WDHD1: variants seen among roughly 807,000 people sequenced by gnomAD.
WDHD1 encodes the protein WD repeat and HMG-box DNA binding protein 1.
Under a neutral mutation model 135.4 loss-of-function variants are expected in WDHD1, and 111 were observed. The ratio of observed to expected loss-of-function variants is 0.82; its 90% CI spans 0.70 to 0.96. The LOEUF (loss-of-function observed/expected upper bound fraction) is 0.96, where lower values mean the gene tolerates loss of function less well. Among genes scored for constraint, WDHD1 ranks in the 40% least tolerant of loss-of-function variants. WDHD1 has a pLI of 0.00. For synonymous variants in WDHD1, 434 were observed against 439.0 expected (o/e 0.99, Z 0.14); for missense variants, 1,351 against 1,336.3 (o/e 1.01, Z -0.17).
chr14:54,973,075 C>T (rs764671649), intron 16 of WDHD1, among the ~76,000 whole-genome samples: 20 of 151,966 alleles, frequency 1.3e-4, no homozygotes, highest in East Asian at 5.8e-4. Context: ...TTATGTACTC[C>T]GATTTATTTA....
At chr14:54,961,439 T>C (rs1275944655) in intron 21 of WDHD1, among the ~76,000 whole-genome samples, 1 of 152,154 alleles carries the variant, frequency 6.6e-6, no homozygotes, top group African/African-American at 2.4e-5. Context: ...TTCTCTTTGC[T>C]CTCTGAGCTT....
chr14:54,967,245 C>A, intron 17 of WDHD1, 35 bp downstream of exon 17: 1 of 1,518,966 alleles, frequency 6.6e-7, no homozygotes, highest in South Asian at 1.1e-5. Flanking sequence ...GCTGTATTAT[C>A]AAATTCAAAG....
chr14:54,998,829 AGATCAT>A (rs2041931249), intron 10 of WDHD1, among the ~76,000 whole-genome samples: 1 of 152,182 alleles, frequency 6.6e-6, no homozygotes, highest in Non-Finnish European at 1.5e-5. Flanking sequence ...TAGGTTATTA[AGATCAT>A]GTAAATGCTA....
chr14:54,966,340 AAAC>A (rs143022988), intron 18 of WDHD1, 132 bp downstream of exon 18: 285 of 1,032,710 alleles, frequency 2.8e-4, no homozygotes, highest in Middle Eastern at 2.1e-3. Flanking sequence ...GTCGCACAAA[AAAC>A]AACAACAACA....
At chr14:54,947,056 C>T (rs780688267) in intron 24 of WDHD1, among the ~76,000 whole-genome samples, 52 of 149,344 alleles carry the variant, frequency 3.5e-4, no homozygotes, top group Non-Finnish European at 6.5e-4. Context: ...AAGTGTTAGG[C>T]GGGCCAGGCA....
chr14:55,018,166 T>A (rs1386932288), intron 2 of WDHD1, among the ~76,000 whole-genome samples: 1 of 152,166 alleles, frequency 6.6e-6, no homozygotes, highest in Non-Finnish European at 1.5e-5. Flanking sequence ...AATAATGGTA[T>A]TATTATTATT....
At chr14:54,977,465 C>A (rs1002928324) in intron 16 of WDHD1, among the ~76,000 whole-genome samples, 5 of 152,006 alleles carry the variant, frequency 3.3e-5, no homozygotes, top group Admixed American at 6.6e-5. Flanking sequence ...CTTTGGGAGG[C>A]CAAGGTGGGA....
chr14:54,951,637 C>G (rs1284647771), intron 24 of WDHD1, among the ~76,000 whole-genome samples: 4 of 152,202 alleles, frequency 2.6e-5, no homozygotes, highest in African/African-American at 9.6e-5. Flanking sequence ...GGAATCCTCC[C>G]TAACTCATTT....
Position 55,007,285 on chromosome 14 carries a change from CA to C in WDHD1, c.594del (p.Ser198ArgfsTer38), listed in dbSNP as rs755893430. On this transcript the variant is annotated frameshift_variant, in exon 7 of 26. Transcript: ENST00000360586. LOFTEE classifies it high-confidence loss of function. The part of the protein sequence containing the change: ...SICRLAWQPK[S>X]GKLLAIPVEK... Reference sequence around the variant, plus strand: ...GAAAAATAAGAATCACTTACCTTCCCACTTTTTGGCTGCCAAGCAAGTCTGC... The same window carrying C: ...GAAAAATAAGAATCACTTACCTTCCCCTTTTTGGCTGCCAAGCAAGTCTGC... 1.5e-5 allele frequency: 23 copies of C among 1,583,866 alleles called. No homozygotes were observed. Among genetic ancestry groups the C allele is most frequent in the Non-Finnish European group, 2.0e-5 (23 of 1,171,122 alleles).
intron 2 of WDHD1, among the ~76,000 whole-genome samples, chr14:55,019,248 G>C (rs975703459): frequency 6.6e-6 from 1 of 152,062 alleles, no homozygotes; most frequent in Admixed American, 6.6e-5. Context: ...TCTTACATAT[G>C]TTAACATTTA....
chr14:54,983,485 C>T (rs1458931987), intron 15 of WDHD1, among the ~76,000 whole-genome samples: 1 of 152,012 alleles, frequency 6.6e-6, no homozygotes, highest in Non-Finnish European at 1.5e-5. Flanking sequence ...CCAGCCTGGC[C>T]AGCATGGTAA....
chr14:54,971,645 C>T (rs2041434281), intron 16 of WDHD1, among the ~76,000 whole-genome samples: 1 of 143,308 alleles, frequency 7.0e-6, no homozygotes, highest in Admixed American at 7.4e-5. Flanking sequence ...AAAGTCGAGG[C>T]TGCAGTGAGC....
intron 2 of WDHD1, among the ~76,000 whole-genome samples, chr14:55,018,972 G>A (rs1189229068): frequency 2.0e-5 from 3 of 152,292 alleles, no homozygotes; most frequent in East Asian, 1.9e-4. Context: ...ACAGTGGGCC[G>A]AGATGGTGCC....
chr14:55,000,667 T>C (rs1186741016), intron 9 of WDHD1, 23 bp from the exon 10 acceptor site: 2 of 1,506,176 alleles, frequency 1.3e-6, no homozygotes, highest in Admixed American at 2.1e-5. Flanking sequence ...AAGTAGGTTC[T>C]AAAAATACTG....
intron 24 of WDHD1, among the ~76,000 whole-genome samples, chr14:54,949,098 T>TC (rs1004901139): frequency 2.4e-4 from 37 of 151,132 alleles, no homozygotes; most frequent in South Asian, 1.5e-3. Flanking sequence ...AGAGCACCTC[T>TC]CCCCCCCCAA....
intron 24 of WDHD1, among the ~76,000 whole-genome samples, chr14:54,945,019 T>C (rs987863174): frequency 1.3e-5 from 2 of 152,230 alleles, no homozygotes; most frequent in Non-Finnish European, 2.9e-5. Flanking sequence ...GCAGCAACCA[T>C]GAACTCTGTA....
chr14:54,982,373 A>C (rs1204387993), intron 15 of WDHD1, among the ~76,000 whole-genome samples: 1 of 152,190 alleles, frequency 6.6e-6, no homozygotes, highest in Non-Finnish European at 1.5e-5. Context: ...CCCGCTTGAG[A>C]AACATTTAGA....
rs1407686807 is a variant in WDHD1 at position 54,951,283 on chromosome 14, C to G, written c.3050+4278G>C. 8.0e-4 allele frequency among the ~76,000 whole-genome samples: 122 copies of G among 151,752 alleles called. 2 individuals are homozygous for G. The South Asian group carries it at 0.025, about 31-fold the overall frequency. On this transcript the variant is annotated intron_variant, in intron 24 of 25. Transcript: ENST00000360586. Reference sequence around the variant, plus strand: ...AATAAAGAAGAAAAGAGAGAAGAATCAAATAGATGCAATAAAAAATGATAA... The same window carrying G: ...AATAAAGAAGAAAAGAGAGAAGAATGAAATAGATGCAATAAAAAATGATAA...
rs147307160 is a variant in WDHD1, at chr14:55,017,017, T to A, written c.78-3421A>T. Among the ~76,000 whole-genome samples, 862 of 152,318 alleles carry A rather than the reference T, an allele frequency of 5.7e-3. 3 individuals are homozygous for A. Among genetic ancestry groups the A allele is most frequent in the Middle Eastern group, 0.02 (6 of 294 alleles). Reference sequence around the variant, plus strand: ...AGTTTTAAATAGAAAATCGCCCGTATTAATTCCAATAATAGTTTAGTTTAC... The same window carrying A: ...AGTTTTAAATAGAAAATCGCCCGTAATAATTCCAATAATAGTTTAGTTTAC... On this transcript the variant is annotated intron_variant, in intron 2 of 25. Coordinates refer to ENST00000360586, the MANE Select transcript of WDHD1 (RefSeq NM_007086.4).
Sources: allele counts gnomAD v4.1 joint callset (sites outside exome capture counted in the v4.1 genomes callset), GRCh38; gene constraint gnomAD v4.1.1; transcripts MANE v1.5; gene names NCBI Gene and HGNC (gene_info 2026-07-23, HGNC 2026-07-21).